The following NTRK3 variants were observed in gnomAD, a reference collection of about 807,000 sequenced individuals.
NTRK3 encodes the protein neurotrophic receptor tyrosine kinase 3.
In NTRK3, 24 loss-of-function variants were observed where a neutral mutation model predicts 91.7. The observed-to-expected ratio is 0.26, with a 90% confidence interval of 0.19 to 0.37. The LOEUF is 0.37. Among genes scored for constraint, NTRK3 ranks in the 10% least tolerant of loss-of-function variants. The pLI is 1.00. For missense variants in NTRK3, 880 were observed against 1,068.9 expected, an observed-to-expected ratio of 0.82 and a Z score of 2.46; for synonymous variants, 483 against 404.0, an observed-to-expected ratio of 1.20 and a Z score of -2.34.
At chr15:88,212,702 A>ACT (rs1455907592) in intron 3 of NTRK3, among the ~76,000 whole-genome samples, 2 of 786 alleles carry the variant, frequency 2.5e-3, no homozygotes, top group Non-Finnish European at 5.1e-3. Context: ...CTGCTGCATC[A>ACT]CACACACACA....
At chr15:88,069,778 G>C (rs2046951925) in intron 13 of NTRK3, among the ~76,000 whole-genome samples, 1 of 152,176 alleles carries the variant, frequency 6.6e-6, no homozygotes, top group Non-Finnish European at 1.5e-5. Flanking sequence ...GTGTTTCACT[G>C]TTTACATGGT....
At chr15:87,998,874 G>T (rs1290132308) in intron 14 of NTRK3, among the ~76,000 whole-genome samples, 1 of 152,160 alleles carries the variant, frequency 6.6e-6, no homozygotes, top group African/African-American at 2.4e-5. Flanking sequence ...AATAACCCTG[G>T]AAAGAAATGC....
chr15:88,078,586 G>A (rs2047764758), intron 13 of NTRK3, among the ~76,000 whole-genome samples: 1 of 152,176 alleles, frequency 6.6e-6, no homozygotes, highest in Non-Finnish European at 1.5e-5. Flanking sequence ...GGAGGTGGAG[G>A]TTGCAGTGAG....
At chr15:87,935,176 G>T (rs1450699064) in intron 15 of NTRK3, among the ~76,000 whole-genome samples, 1 of 152,146 alleles carries the variant, frequency 6.6e-6, no homozygotes, top group Non-Finnish European at 1.5e-5. Flanking sequence ...CAAGACAATG[G>T]TGGGCAGAGG....
At chr15:88,016,769 A>T (rs763108014) in intron 14 of NTRK3, among the ~76,000 whole-genome samples, 10 of 152,208 alleles carry the variant, frequency 6.6e-5, no homozygotes, top group African/African-American at 2.4e-4. Context: ...CATAATGTAG[A>T]ACGTCAGTAA....
At chr15:88,153,439 T>C (rs2043584451) in intron 5 of NTRK3, among the ~76,000 whole-genome samples, 1 of 152,072 alleles carries the variant, frequency 6.6e-6, no homozygotes, top group African/African-American at 2.4e-5. Context: ...ACACTAAAAA[T>C]ACATGCGGTT....
At chr15:87,933,752 C>A (rs1596308682) in intron 15 of NTRK3, among the ~76,000 whole-genome samples, 1 of 152,214 alleles carries the variant, frequency 6.6e-6, no homozygotes, top group South Asian at 2.1e-4. Context: ...CTGGAAGACA[C>A]CTGTGTTCTC....
At chr15:88,155,187 C>G (rs571526351) in intron 5 of NTRK3, among the ~76,000 whole-genome samples, 160 of 152,170 alleles carry the variant, frequency 1.1e-3, no homozygotes, top group African/African-American at 3.8e-3. Context: ...ATGAATTATC[C>G]CATGGTCCCA....
exon 19 of NTRK3, chr15:87,870,341 C>A (rs749166520): frequency 1.7e-4 from 33 of 196,196 alleles, no homozygotes; most frequent in Non-Finnish European, 3.3e-4. Context: ...GAATAGAAAA[C>A]CAAACATCGT....
intron 3 of NTRK3, among the ~76,000 whole-genome samples, chr15:88,184,545 C>T (rs2046795325): frequency 6.6e-6 from 1 of 152,238 alleles, no homozygotes; most frequent in African/African-American, 2.4e-5. Flanking sequence ...CCATGGATTG[C>T]ATTGAATGTC....
chr15:88,217,225 A>G (rs1017834766), intron 3 of NTRK3, among the ~76,000 whole-genome samples: 12 of 152,230 alleles, frequency 7.9e-5, no homozygotes, highest in African/African-American at 2.9e-4. Context: ...AAGAATTGCC[A>G]TGTAGTCCAA....
chr15:88,056,325 A>G (rs2045692029), intron 13 of NTRK3, among the ~76,000 whole-genome samples: 1 of 151,756 alleles, frequency 6.6e-6, no homozygotes, highest in African/African-American at 2.4e-5. Context: ...GATGGGCTTT[A>G]AATATTAATA....
intron 14 of NTRK3, among the ~76,000 whole-genome samples, chr15:87,993,024 C>A (rs2075406964): frequency 6.6e-6 from 1 of 152,152 alleles, no homozygotes; most frequent in African/African-American, 2.4e-5. Flanking sequence ...ATTTCTCCTT[C>A]TAAGGACTTT....
chr15:88,024,361 A>T (rs138727372), intron 14 of NTRK3, among the ~76,000 whole-genome samples: 6 of 152,312 alleles, frequency 3.9e-5, no homozygotes, highest in Non-Finnish European at 8.8e-5. Flanking sequence ...ACTGCTCTGT[A>T]GCTAAAGAGG....
At chr15:87,964,245 T>C (rs970143926) in intron 14 of NTRK3, among the ~76,000 whole-genome samples, 1 of 152,104 alleles carries the variant, frequency 6.6e-6, no homozygotes, top group African/African-American at 2.4e-5. Context: ...TAGGAACAAC[T>C]TGCCAATGAG....
chr15:87,966,937 G>A (rs1025282689), intron 14 of NTRK3, among the ~76,000 whole-genome samples: 1 of 152,070 alleles, frequency 6.6e-6, no homozygotes, highest in African/African-American at 2.4e-5. Context: ...TTTCTTGTGG[G>A]GAGCTGTCAG....
At chr15:88,035,095 G>A (rs2078952849) in intron 13 of NTRK3, among the ~76,000 whole-genome samples, 1 of 152,072 alleles carries the variant, frequency 6.6e-6, no homozygotes, top group Non-Finnish European at 1.5e-5. Context: ...ATAATATTTT[G>A]GAATTTAAAA....
intron 14 of NTRK3, among the ~76,000 whole-genome samples, chr15:87,977,109 T>G (rs550683960): frequency 6.6e-6 from 1 of 152,186 alleles, no homozygotes; most frequent in African/African-American, 2.4e-5. Flanking sequence ...GGATGAACCA[T>G]TCAACCTCTC....
intron 17 of NTRK3, among the ~76,000 whole-genome samples, chr15:87,889,424 G>A (rs898750054): frequency 6.4e-4 from 60 of 93,740 alleles, no homozygotes; most frequent in African/African-American, 3.1e-3. Context: ...TTTTTTTTGA[G>A]ACGAAGTCTC....
Sources: allele counts gnomAD v4.1 joint callset (sites outside exome capture counted in the v4.1 genomes callset), GRCh38; gene constraint gnomAD v4.1.1; transcripts MANE v1.5; gene names NCBI Gene and HGNC (gene_info 2026-07-23, HGNC 2026-07-21).